The following ANKRD36B variants were observed in gnomAD, a reference collection of about 807,000 sequenced individuals.
The protein encoded by ANKRD36B is ankyrin repeat domain-containing protein 36B.
A neutral mutation model predicts 135.7 loss-of-function variants in ANKRD36B; 37 were observed. That is an observed-to-expected ratio of 0.27 (90% confidence interval 0.21 to 0.36). ANKRD36B has a LOEUF of 0.36. ANKRD36B is among the 10% of genes least tolerant of loss of function. ANKRD36B has a pLI of 1.00. For synonymous variants in ANKRD36B, 179 were observed against 348.1 expected, an observed-to-expected ratio of 0.51 and a Z score of 5.41; for missense variants, 549 against 1,037.1, an observed-to-expected ratio of 0.53 and a Z score of 6.46.
chr2:97,551,625 G>T, intron 16 of ANKRD36B, 145 bp from the exon 17 acceptor site: 1 of 1,363,740 alleles, frequency 7.3e-7, no homozygotes, highest in East Asian at 2.5e-5. Flanking sequence ...CTGGGGATTA[G>T]AACATGACAG....
intron 4 of ANKRD36B, 36 bp downstream of exon 4, chr2:97,580,426 G>A: frequency 2.7e-6 from 4 of 1,494,350 alleles, no homozygotes; most frequent in Non-Finnish European, 3.6e-6. Context: ...TGACACTCAG[G>A]TTTAAAAACA....
At position 97,523,701 on chromosome 2, in the gene ANKRD36B, T is replaced by G. The variant is rs1207805146; in HGVS notation, c.2266-234A>C. ...TATTTAGAAAACTGACAGAGAGACT[T>G]GGGTTAATTAAGGAACAAAGATTAA... On this transcript the variant is annotated intron_variant, in intron 35 of 43. Coordinates refer to ENST00000359901, the MANE Select transcript of ANKRD36B (RefSeq NM_001393939.1). Among the ~76,000 whole-genome samples the G allele has an allele frequency of 2.7e-5, 2 of 75,150 alleles. 1 individual carries two copies. The highest frequency in any genetic ancestry group is 7.8e-5 in the African/African-American group (2 of 25,510). 49.3% of individuals were successfully genotyped at this position (75,150 alleles called of 152,430 possible). A position where few individuals can be genotyped will look rare whatever the true frequency, so the allele number is the denominator to read the frequency against.
At chr2:97,585,579 G>A (rs564463936) in intron 1 of ANKRD36B, among the ~76,000 whole-genome samples, 181 bp from the exon 2 acceptor site, 1 of 152,226 alleles carries the variant, frequency 6.6e-6, no homozygotes, top group Non-Finnish European at 1.5e-5. Flanking sequence ...TTGGCTTTTG[G>A]ATTCAGTTTA....
chr2:97,537,659 T>G (rs1382520908), intron 32 of ANKRD36B, among the ~76,000 whole-genome samples: 1 of 95,708 alleles, frequency 1.0e-5, no homozygotes, highest in African/African-American at 3.1e-5. Context: ...CAAAATTACC[T>G]AAATAACTTC....
intron 12 of ANKRD36B, among the ~76,000 whole-genome samples, chr2:97,555,732 T>C (rs1417086452): frequency 2.0e-5 from 3 of 151,928 alleles, no homozygotes; most frequent in Non-Finnish European, 4.4e-5. Flanking sequence ...TTCAGATGAA[T>C]GTACACTTCA....
chr2:97,549,224 A>G (rs1451633453), intron 20 of ANKRD36B, among the ~76,000 whole-genome samples, 195 bp downstream of exon 20: 5 of 145,274 alleles, frequency 3.4e-5, no homozygotes, highest in Non-Finnish European at 1.5e-5. Context: ...ATAATCTTAC[A>G]GCGAAGGTCA....
At chr2:97,566,337 A>G (rs1345900363) in intron 6 of ANKRD36B, among the ~76,000 whole-genome samples, 1 of 152,018 alleles carries the variant, frequency 6.6e-6, no homozygotes, top group Non-Finnish European at 1.5e-5. Flanking sequence ...AAAAAAAATC[A>G]TGAACTTTTG....
chr2:97,547,929 T>C (rs1399141280), intron 20 of ANKRD36B, among the ~76,000 whole-genome samples, 198 bp from the exon 21 acceptor site: 2 of 151,710 alleles, frequency 1.3e-5, no homozygotes, highest in African/African-American at 4.8e-5. Flanking sequence ...TGAAAAATAC[T>C]CTTATAATTT....
chr2:97,558,370 A>G (rs1164294953), intron 10 of ANKRD36B, among the ~76,000 whole-genome samples: 1 of 152,006 alleles, frequency 6.6e-6, no homozygotes, highest in Non-Finnish European at 1.5e-5. Flanking sequence ...GAGGAAAGTC[A>G]TTGCTACATC....
In ANKRD36B at chr2:97,533,692, G is replaced by T. The variant is rs2078714619; in HGVS notation, c.2192-1308C>A. Among the ~76,000 whole-genome samples, 2 of 93,162 alleles carry T rather than the reference G, an allele frequency of 2.1e-5. 1 individual carries two copies. Among genetic ancestry groups the T allele is most frequent in the Admixed American group, 1.9e-4 (2 of 10,504 alleles). 61.1% of individuals were successfully genotyped at this position (93,162 alleles called of 152,430 possible). On this transcript the variant is annotated intron_variant, in intron 34 of 43. Transcript: ENST00000359901. ...GGCTACTGCTATGTCTACATTGCTTGTATCCTGCAGTTTGGCCCTGTCAAG... is the reference window on the plus strand; with the variant it reads ...GGCTACTGCTATGTCTACATTGCTTTTATCCTGCAGTTTGGCCCTGTCAAG...
chr2:97,553,037 T>A (rs2080201937), intron 16 of ANKRD36B, 131 bp downstream of exon 16: 3 of 1,135,026 alleles, frequency 2.6e-6, no homozygotes, highest in Non-Finnish European at 3.8e-6. Flanking sequence ...AAATGAAGAC[T>A]CTCAGACCTG....
At chr2:97,556,066 C>A (rs1296440450) in intron 12 of ANKRD36B, among the ~76,000 whole-genome samples, 1 of 151,830 alleles carries the variant, frequency 6.6e-6, no homozygotes, top group Non-Finnish European at 1.5e-5. Flanking sequence ...TCAATTAATA[C>A]ATTTAACATT....
chr2:97,494,173 G>A (rs549856429), intron 43 of ANKRD36B, among the ~76,000 whole-genome samples: 3 of 102,636 alleles, frequency 2.9e-5, no homozygotes, highest in Admixed American at 8.8e-5. Context: ...GAATAACACA[G>A]AAAAGAGCAA....
At chr2:97,551,098 T>C (rs2080014077) in intron 18 of ANKRD36B, among the ~76,000 whole-genome samples, 191 bp downstream of exon 18, 1 of 151,838 alleles carries the variant, frequency 6.6e-6, no homozygotes, top group Non-Finnish European at 1.5e-5. Context: ...TGGGGATGTG[T>C]ATAATCTTAC....
At chr2:97,546,093 T>G (rs978763462) in intron 22 of ANKRD36B, among the ~76,000 whole-genome samples, 5 of 151,726 alleles carry the variant, frequency 3.3e-5, no homozygotes, top group African/African-American at 1.2e-4. Flanking sequence ...ATTTGTCATA[T>G]GTCGAAAACT....
chr2:97,586,066 G>A (rs978644769), intron 1 of ANKRD36B, among the ~76,000 whole-genome samples: 9 of 152,060 alleles, frequency 5.9e-5, no homozygotes, highest in South Asian at 4.2e-4. Context: ...CACCCAATCC[G>A]TGATGCCTTA....
chr2:97,541,704 A>G lies in ANKRD36B; in HGVS notation c.1885+207T>C, dbSNP rs2079157551. On this transcript the variant is annotated intron_variant, in intron 28 of 43. Transcript: ENST00000359901. Reference sequence around the variant, plus strand: ...CCTATGGTTATTCTTCCTAATTTCAATGTAGGGAAGTCTACAATCTTACTA... The same window carrying G: ...CCTATGGTTATTCTTCCTAATTTCAGTGTAGGGAAGTCTACAATCTTACTA... 7.6e-5 allele frequency: 37 copies of G among 487,800 alleles called. 8 individuals carry two copies. Among genetic ancestry groups the G allele is most frequent in the South Asian group, 5.5e-4 (36 of 64,962 alleles). The allele number at this position is 487,800 out of a possible 1,614,324, so 30.2% of individuals were successfully genotyped here. A position where few individuals can be genotyped will look rare whatever the true frequency, so the allele number is the denominator to read the frequency against.
chr2:97,545,720 C>A lies in ANKRD36B; in HGVS notation c.1627G>T (p.Asp543Tyr). The A allele has an allele frequency of 4.2e-6, 4 of 960,214 alleles. 1 individual carries two copies. Among genetic ancestry groups the A allele is most frequent in the Non-Finnish European group, 6.3e-6 (4 of 635,442 alleles). 59.5% of individuals were successfully genotyped at this position (960,214 alleles called of 1,614,324 possible). A position where few individuals can be genotyped will look rare whatever the true frequency, so the allele number is the denominator to read the frequency against. Residue 543 changes from aspartate (D) to tyrosine (Y), a missense_variant, in exon 24 of 44, where the codon GAT becomes TAT. Asp to Tyr is a radical substitution (Grantham distance 160). Transcript: ENST00000359901. ...TCTGTGGCCATATTCGGAACAGAAT[C>A]TTCCTTGTCACTTGTAGCCTGAATG... The part of the protein sequence containing the change: ...PSLKATSDKE[D>Y]SVPNMATETK...
At position 97,589,600 on chromosome 2, in the gene ANKRD36B, A is replaced by G. The variant is rs2104419576; in HGVS notation, c.86T>C (p.Leu29Ser). Reference protein sequence around the residue: ...YHLKRIHRAVLRGNLEKLKYL... With the variant: ...YHLKRIHRAVSRGNLEKLKYL... ...CTTCAGTTTCTCCAGATTACCACGT[A>G]AGACAGCTCTGTGGATCCTCTTCAG... is the stretch of plus-strand genomic sequence containing the variant. The change falls in exon 1 of 44, where the codon TTA (leucine) becomes TCA (serine). Residue 29 changes from leucine (L) to serine (S), a missense_variant. Physicochemically the swap from Leu to Ser is moderately radical, Grantham distance 145. Coordinates refer to ENST00000359901, the MANE Select transcript of ANKRD36B (RefSeq NM_001393939.1). 6.2e-7 allele frequency: 1 copy of G among 1,614,052 alleles called. No individual in the cohort carries two copies. The highest frequency in any genetic ancestry group is 1.7e-5 in the Admixed American group (1 of 60,002).
Sources: allele counts gnomAD v4.1 joint callset (sites outside exome capture counted in the v4.1 genomes callset), GRCh38; gene constraint gnomAD v4.1.1; transcripts MANE v1.5; gene names NCBI Gene and HGNC (gene_info 2026-07-23, HGNC 2026-07-21).